Variants in FER observed in about 807,000 individuals in gnomAD.
The protein encoded by FER is tyrosine-protein kinase Fer.
Under a neutral mutation model 111.0 loss-of-function variants are expected in FER, and 63 were observed. That is an observed-to-expected ratio of 0.57 (90% CI 0.46 to 0.70). The LOEUF (loss-of-function observed/expected upper bound fraction) is 0.70. Ranked by LOEUF, FER falls within the 30% of genes least tolerant of loss-of-function variation. The pLI, the probability that FER is intolerant of heterozygous loss-of-function variation, is 0.00. For synonymous variants in FER, 327 were observed against 313.9 expected, an observed-to-expected ratio of 1.04 and a Z score of -0.44; for missense variants, 914 against 954.0, an observed-to-expected ratio of 0.96 and a Z score of 0.55.
rs1759475583 is a variant in FER at position 109,192,866 on chromosome 5, T to C, written c.*5291T>C. On this transcript the variant is annotated 3_prime_UTR_variant, in exon 20 of 20. Coordinates refer to ENST00000281092, the MANE Select transcript of FER (RefSeq NM_005246.4). ...AAGTAGCAATGTTCCTTGTCTTCAA[T>C]AACATTTGAGGGAAAGGAATCTAGA... 1 of 152,044 alleles carries C rather than the reference T, an allele frequency of 6.6e-6. No homozygotes were observed. The highest frequency in any genetic ancestry group is 1.9e-4 in the East Asian group (1 of 5,180). 9.4% of individuals were successfully genotyped at this position (152,044 alleles called of 1,614,324 possible). A position where few individuals can be genotyped will look rare whatever the true frequency, so the allele number is the denominator to read the frequency against.
chr5:109,118,128 T>C (rs1226519702), intron 17 of FER, among the ~76,000 whole-genome samples: 3 of 152,158 alleles, frequency 2.0e-5, no homozygotes, highest in Non-Finnish European at 2.9e-5. Flanking sequence ...CCATTCAGTA[T>C]GATATTGGCT....
chr5:109,017,842 A>G (rs556628358), intron 13 of FER, among the ~76,000 whole-genome samples: 2 of 152,020 alleles, frequency 1.3e-5, no homozygotes, highest in African/African-American at 4.8e-5. Context: ...TTTTCCCTCA[A>G]TTATGAGAAC....
At chr5:109,024,516 G>T (rs2149839379) in intron 13 of FER, among the ~76,000 whole-genome samples, 1 of 152,248 alleles carries the variant, frequency 6.6e-6, no homozygotes, top group South Asian at 2.1e-4. Flanking sequence ...TGGGGACAGT[G>T]CCAAGCCCAT....
intron 6 of FER, 137 bp downstream of exon 6, chr5:108,868,087 GA>G: frequency 1.3e-6 from 1 of 760,444 alleles, no homozygotes; most frequent in South Asian, 2.3e-5. Flanking sequence ...GATTCTTCTT[GA>G]TTTTCACTTT....
chr5:108,987,516 A>C (rs1263425982), intron 13 of FER, among the ~76,000 whole-genome samples: 1 of 152,180 alleles, frequency 6.6e-6, no homozygotes, highest in Non-Finnish European at 1.5e-5. Context: ...GGTTAGGTAT[A>C]TTCCTAAATT....
intron 16 of FER, among the ~76,000 whole-genome samples, chr5:109,063,617 C>A (rs1774718751): frequency 6.6e-6 from 1 of 152,148 alleles, no homozygotes; most frequent in South Asian, 2.1e-4. Flanking sequence ...AGTTTTGAGG[C>A]CGATTAAAAG....
At chr5:108,843,138 G>A (rs1761449022) in intron 5 of FER, 1 of 152,178 alleles carries the variant, frequency 6.6e-6, no homozygotes, top group African/African-American at 2.4e-5. Flanking sequence ...TCAGAGCTTA[G>A]CTCCCACACA....
At chr5:109,018,948 T>G (rs1212306873) in intron 13 of FER, among the ~76,000 whole-genome samples, 1 of 151,550 alleles carries the variant, frequency 6.6e-6, no homozygotes, top group African/African-American at 2.4e-5. Context: ...ACTTTGAGAA[T>G]TCACTTAGGT....
chr5:108,968,392 A>G (rs1760183047), intron 13 of FER, among the ~76,000 whole-genome samples: 1 of 152,164 alleles, frequency 6.6e-6, no homozygotes, highest in Non-Finnish European at 1.5e-5. Flanking sequence ...TCCATCTCAA[A>G]AAAAGAAAAA....
At chr5:109,184,278 G>A (rs7707660) in intron 18 of FER, among the ~76,000 whole-genome samples, 81,425 of 151,940 alleles carry the variant, frequency 0.54, 21,972 homozygotes, top group Non-Finnish European at 0.57. Flanking sequence ...TTTTTAGTGA[G>A]CAGGTTTCCC....
intron 16 of FER, among the ~76,000 whole-genome samples, chr5:109,056,881 C>A (rs544798001): frequency 6.6e-6 from 1 of 151,930 alleles, no homozygotes; most frequent in African/African-American, 2.4e-5. Flanking sequence ...AGTATTAGTC[C>A]GGTTTATTCT....
chr5:108,811,075 C>T (rs980789891), intron 3 of FER, among the ~76,000 whole-genome samples: 2 of 152,098 alleles, frequency 1.3e-5, no homozygotes, highest in African/African-American at 4.8e-5. Context: ...GGAGAGGGCC[C>T]TTCTGCCCCA....
intron 13 of FER, among the ~76,000 whole-genome samples, chr5:108,968,412 G>C (rs1331489603): frequency 6.6e-6 from 1 of 151,940 alleles, no homozygotes; most frequent in Non-Finnish European, 1.5e-5. Flanking sequence ...AAAATTACCT[G>C]CTGAATGTGA....
intron 10 of FER, among the ~76,000 whole-genome samples, chr5:108,913,060 A>T (rs1028015656): frequency 2.0e-5 from 3 of 152,198 alleles, no homozygotes; most frequent in Non-Finnish European, 2.9e-5. Context: ...CTTGCCAAAT[A>T]CAAATACCTC....
At position 108,766,073 on chromosome 5, in the gene FER, G is replaced by A. The variant is rs1752288670; in HGVS notation, c.-205-2020G>A. Among the ~76,000 whole-genome samples the A allele has an allele frequency of 2.0e-5, 3 of 152,088 alleles. No individual in the cohort carries two copies. In the South Asian group the frequency reaches 6.2e-4, roughly 32 times the overall value. On this transcript the variant is annotated intron_variant, in intron 1 of 19. Transcript: ENST00000281092. ...GCCTCTCAAGTAGCAGGGACTACAG[G>A]TACATGCCACCATGCCTGGCTAATT...
chr5:108,793,659 C>G (rs564401630), intron 2 of FER, among the ~76,000 whole-genome samples: 25 of 152,238 alleles, frequency 1.6e-4, no homozygotes, highest in African/African-American at 5.5e-4. Context: ...AGGATTCTCT[C>G]TTTTCTACAT....
chr5:109,097,403 G>A (rs192190029), intron 16 of FER, among the ~76,000 whole-genome samples: 86 of 152,006 alleles, frequency 5.7e-4, no homozygotes, highest in African/African-American at 2.0e-3. Context: ...AAAGGGGTGT[G>A]AGTTATCTTT....
chr5:108,972,507 T>G (rs1426409343), intron 13 of FER, among the ~76,000 whole-genome samples: 3 of 152,212 alleles, frequency 2.0e-5, no homozygotes, highest in African/African-American at 7.2e-5. Context: ...CTTCCTCAGC[T>G]TACATTGATC....
At chr5:108,963,628 T>C (rs1424704836) in intron 13 of FER, among the ~76,000 whole-genome samples, 1 of 152,166 alleles carries the variant, frequency 6.6e-6, no homozygotes, top group East Asian at 1.9e-4. Context: ...ATTTGAACCT[T>C]AGACAACCAG....
Sources: allele counts gnomAD v4.1 joint callset (sites outside exome capture counted in the v4.1 genomes callset), GRCh38; gene constraint gnomAD v4.1.1; transcripts MANE v1.5; gene names NCBI Gene and HGNC (gene_info 2026-07-23, HGNC 2026-07-21).